CCNY: variants seen among roughly 807,000 people sequenced by gnomAD.
The protein encoded by CCNY is cyclin Y.
Under a neutral mutation model 42.8 loss-of-function variants are expected in CCNY, and 19 were observed. The ratio of observed to expected loss-of-function variants is 0.44; its 90% CI spans 0.31 to 0.65. The LOEUF (loss-of-function observed/expected upper bound fraction) is 0.65, where lower values mean the gene tolerates loss of function less well. CCNY is among the 30% of genes least tolerant of loss of function. The pLI is 0.07. For synonymous variants in CCNY, 165 were observed against 162.7 expected (o/e 1.01, Z -0.11); for missense variants, 370 against 437.3 (o/e 0.85, Z 1.37).
intron 3 of CCNY, among the ~76,000 whole-genome samples, chr10:35,505,344 G>T (rs1488557277): frequency 6.6e-6 from 1 of 151,794 alleles, no homozygotes; most frequent in East Asian, 1.9e-4. Context: ...TGTCTTGTTT[G>T]CCATAGGTGC....
intron 3 of CCNY, among the ~76,000 whole-genome samples, chr10:35,291,672 C>T (rs1042241100): frequency 2.0e-5 from 3 of 151,364 alleles, no homozygotes; most frequent in Non-Finnish European, 4.4e-5. Context: ...GAGTAGCTGG[C>T]ATTACAGGCA....
intron 1 of CCNY, among the ~76,000 whole-genome samples, chr10:35,400,821 A>G (rs1326301080): frequency 6.6e-6 from 1 of 152,184 alleles, no homozygotes; most frequent in Non-Finnish European, 1.5e-5. Context: ...TGCTGTTACA[A>G]GTTGAGCCAT....
intron 1 of CCNY, among the ~76,000 whole-genome samples, chr10:35,417,358 C>CTCAGCT (rs1838047497): frequency 6.6e-6 from 1 of 152,214 alleles, no homozygotes; most frequent in Admixed American, 6.5e-5. Flanking sequence ...GCATCTGAGT[C>CTCAGCT]TCAGCTCTTG....
In CCNY at chr10:35,255,351, C is replaced by T. The variant is rs539312425; in HGVS notation, c.-9+4725C>T. ...TTTTTTTTTTTTTGAGACAGAGTCC[C>T]GCTCTGTCACCCAGTCTGGAGTGAA... On this transcript the variant is annotated intron_variant, in intron 3 of 11. Transcript: ENST00000374706. 1.7e-4 allele frequency among the ~76,000 whole-genome samples: 25 copies of T among 150,874 alleles called. No individual in the cohort carries two copies. In the South Asian group the frequency reaches 4.2e-3, roughly 25 times the overall value.
At chr10:35,396,808 G>A (rs959352104) in intron 1 of CCNY, among the ~76,000 whole-genome samples, 20 of 152,206 alleles carry the variant, frequency 1.3e-4, no homozygotes, top group African/African-American at 3.6e-4. Context: ...TGCTCTCCCC[G>A]TGAGGCTCCC....
At chr10:35,271,094 G>A (rs1347307459) in intron 3 of CCNY, among the ~76,000 whole-genome samples, 3 of 152,086 alleles carry the variant, frequency 2.0e-5, no homozygotes, top group East Asian at 1.9e-4. Context: ...TAGAAGTCAC[G>A]CTCTGTTATA....
At chr10:35,455,708 C>T (rs893554536) in intron 1 of CCNY, among the ~76,000 whole-genome samples, 14 of 151,972 alleles carry the variant, frequency 9.2e-5, no homozygotes, top group Admixed American at 3.3e-4. Context: ...CACAGTGCCA[C>T]GCCCATGGCT....
chr10:35,528,389 G>T (rs1332900276), intron 5 of CCNY, among the ~76,000 whole-genome samples: 2 of 152,316 alleles, frequency 1.3e-5, no homozygotes, highest in African/African-American at 4.8e-5. Context: ...GAGCACAGGT[G>T]TGAATGCCCA....
At chr10:35,555,022 A>G (rs562148360) in intron 8 of CCNY, among the ~76,000 whole-genome samples, 4 of 152,316 alleles carry the variant, frequency 2.6e-5, no homozygotes, top group South Asian at 2.1e-4. Flanking sequence ...GTTGATTTCA[A>G]ATTTTGAGGA....
At chr10:35,458,685 C>T (rs944213911) in intron 1 of CCNY, among the ~76,000 whole-genome samples, 21 of 152,206 alleles carry the variant, frequency 1.4e-4, no homozygotes, top group Non-Finnish European at 1.5e-4. Context: ...TCTGTAGCCT[C>T]AGCTGTGTAG....
At chr10:35,362,310 T>C (rs569303431) in intron 1 of CCNY, among the ~76,000 whole-genome samples, 2 of 152,194 alleles carry the variant, frequency 1.3e-5, no homozygotes, top group Admixed American at 6.5e-5. Context: ...AACAGGTGAC[T>C]TTTGGCCTGG....
At chr10:35,351,183 G>C (rs1021887351) in intron 1 of CCNY, among the ~76,000 whole-genome samples, 3 of 152,180 alleles carry the variant, frequency 2.0e-5, no homozygotes, top group Non-Finnish European at 4.4e-5. Flanking sequence ...GATTAAAAAG[G>C]CCCCTGCATG....
rs1835141341 is a variant in CCNY, at chr10:35,269,887, C to G, written c.-9+19261C>G. Reference sequence around the variant, plus strand: ...TAGTGATCCACCTGCCTCAGACTCCCAAAGTGCTGGGGTTACGTGCCCGGC... The same window carrying G: ...TAGTGATCCACCTGCCTCAGACTCCGAAAGTGCTGGGGTTACGTGCCCGGC... On this transcript the variant is annotated intron_variant, in intron 3 of 11. Coordinates refer to the CCNY transcript ENST00000374706. Among the ~76,000 whole-genome samples, 4 of 152,126 alleles carry G rather than the reference C, an allele frequency of 2.6e-5. No homozygotes were observed. In the South Asian group the frequency reaches 8.3e-4, roughly 32 times the overall value.
At chr10:35,261,225 T>TA (rs1554963506) in intron 3 of CCNY, among the ~76,000 whole-genome samples, 7,660 of 137,798 alleles carry the variant, frequency 0.056, 662 homozygotes, top group African/African-American at 0.18. Flanking sequence ...ACCCTGTCTC[T>TA]AAAAAAAAAA....
At chr10:35,495,515 C>T (rs914527388) in intron 2 of CCNY, among the ~76,000 whole-genome samples, 3 of 152,208 alleles carry the variant, frequency 2.0e-5, no homozygotes, top group Admixed American at 6.5e-5. Flanking sequence ...CCCTCAACAT[C>T]TTAGAAATGT....
At chr10:35,520,294 A>C (rs1840521572) in intron 4 of CCNY, among the ~76,000 whole-genome samples, 1 of 152,150 alleles carries the variant, frequency 6.6e-6, no homozygotes, top group African/African-American at 2.4e-5. Flanking sequence ...AAAGATAGGA[A>C]GTTGTGAAAT....
chr10:35,562,717 C>T (rs1206986070), intron 8 of CCNY, among the ~76,000 whole-genome samples: 1 of 152,120 alleles, frequency 6.6e-6, no homozygotes, highest in Non-Finnish European at 1.5e-5. Flanking sequence ...CACTCATCCA[C>T]CCATGGACAC....
chr10:35,425,789 G>A (rs886105644), intron 1 of CCNY, among the ~76,000 whole-genome samples: 6 of 152,168 alleles, frequency 3.9e-5, no homozygotes, highest in East Asian at 1.9e-4. Context: ...GTGTAAATCT[G>A]TATAAATGTT....
chr10:35,320,352 C>T (rs908716417), intron 3 of CCNY, among the ~76,000 whole-genome samples: 1 of 152,126 alleles, frequency 6.6e-6, no homozygotes, highest in Non-Finnish European at 1.5e-5. Context: ...ATTAACAGAA[C>T]AAAGGAGAAA....
Sources: gnomAD v4.1 joint callset for allele counts (sites outside exome capture counted in the v4.1 genomes callset) on GRCh38, gnomAD v4.1.1 for gene constraint, MANE v1.5 for transcripts, NCBI Gene and HGNC (gene_info 2026-07-23, HGNC 2026-07-21) for gene names.